NELFB: variants seen among roughly 807,000 people sequenced by gnomAD.
The protein encoded by NELFB is negative elongation factor B.
In NELFB, 34 loss-of-function variants were observed where a neutral mutation model predicts 60.2. The ratio of observed to expected loss-of-function variants is 0.56; its 90% confidence interval spans 0.43 to 0.75. The LOEUF is 0.75. Among genes scored for constraint, NELFB ranks in the 30% least tolerant of loss-of-function variants. The pLI, the probability that NELFB is intolerant of heterozygous loss-of-function variation, is 0.00. For synonymous variants in NELFB, 459 were observed against 382.1 expected (o/e 1.20, Z -2.35); for missense variants, 770 against 831.6 (o/e 0.93, Z 0.91).
chr9:137,272,911 G>A lies in NELFB; in HGVS notation c.1870G>A (p.Ala624Thr), dbSNP rs548870615. 1.6e-4 allele frequency: 252 copies of A among 1,537,046 alleles called. 1 individual carries two copies. In the South Asian group the frequency reaches 1.7e-3, roughly 11 times the overall value. ...GGAGCTGCCCCTCCCCAGCGTGCCC[G>A]CCCCTGCCCCGCTCTGAGGGCCCTC... Residue 624 changes from alanine (A) to threonine (T), a missense_variant, in exon 13 of 13, where the codon GCC becomes ACC. Ala to Thr is a moderately conservative substitution (Grantham distance 58, BLOSUM62 0). Transcript: ENST00000343053.
intron 10 of NELFB, 133 bp downstream of exon 10, chr9:137,267,479 T>A: frequency 1.5e-6 from 1 of 651,682 alleles, no homozygotes; most frequent in Non-Finnish European, 2.6e-6. Context: ...CTTTGCTAGC[T>A]TTGTTTTCAC....
intron 6 of NELFB, among the ~76,000 whole-genome samples, chr9:137,265,652 T>C (rs369194428): frequency 1.6e-5 from 2 of 124,010 alleles, no homozygotes; most frequent in East Asian, 8.1e-4. Flanking sequence ...CCTGCCAAAG[T>C]GCTGGGATGA....
At position 137,256,354 on chromosome 9, in the gene NELFB, G is replaced by A; in HGVS notation, c.436G>A (p.Glu146Lys). Residue 146 changes from glutamate (E) to lysine (K), a missense_variant, in exon 3 of 13, where the codon GAG (glutamate) becomes AAG (lysine). By Grantham distance (56) the Glu-to-Lys change is moderately conservative (BLOSUM62 1). Coordinates refer to ENST00000343053, the MANE Select transcript of NELFB (RefSeq NM_015456.5). ...GTACAAGAAGCTGGAAGACCTTCTG[G>A]AGAAGAGCTTTTCTCTGGTGAAGAT... 1 of 1,614,074 alleles carries A rather than the reference G, an allele frequency of 6.2e-7. No homozygotes were observed. The highest frequency in any genetic ancestry group is 8.5e-7 in the Non-Finnish European group (1 of 1,180,022).
At chr9:137,266,269 G>A in intron 7 of NELFB, 62 bp from the exon 8 acceptor site, 1 of 1,445,158 alleles carries the variant, frequency 6.9e-7, no homozygotes, top group Non-Finnish European at 9.6e-7. Context: ...AGTAGGGTCA[G>A]AGGAGCTCCA....
At position 137,265,933 on chromosome 9, in the gene NELFB, C is replaced by T; in HGVS notation, c.1097C>T (p.Thr366Ile). 1.2e-6 allele frequency: 2 copies of T among 1,613,212 alleles called. No homozygotes were observed. Among genetic ancestry groups the T allele is most frequent in the South Asian group, 1.1e-5 (1 of 91,090 alleles). Residue 366 changes from threonine (T) to isoleucine (I), a missense_variant, in exon 7 of 13, where the codon ACA becomes ATA. Physicochemically the swap from Thr to Ile is moderately conservative, Grantham distance 89. Coordinates refer to ENST00000343053, the MANE Select transcript of NELFB (RefSeq NM_015456.5). ...GCCATCAACACGCTGGCACTGAGCA[C>T]AGTCAGGCACCTGCAGGAGCTGGTC...
At chr9:137,256,518 C>T (rs1003998739) in intron 3 of NELFB, 90 bp downstream of exon 3, 7 of 1,173,284 alleles carry the variant, frequency 6.0e-6, no homozygotes, top group South Asian at 1.3e-5. Flanking sequence ...CGCCTAGCTC[C>T]GGGAGCTTCC....
At chr9:137,261,007 C>A (rs1221240666) in intron 4 of NELFB, among the ~76,000 whole-genome samples, 2 of 143,268 alleles carry the variant, frequency 1.4e-5, no homozygotes, top group African/African-American at 5.2e-5. Context: ...TGCAGTTAGC[C>A]AAGATTGCGC....
intron 10 of NELFB, 47 bp from the exon 11 acceptor site, chr9:137,272,034 G>C (rs1281576944): frequency 6.2e-7 from 1 of 1,610,726 alleles, no homozygotes; most frequent in East Asian, 2.2e-5. Flanking sequence ...TGCCCTCTGG[G>C]GTGGGCAGGG....
chr9:137,271,574 C>T (rs1416093489), intron 10 of NELFB, among the ~76,000 whole-genome samples: 2 of 152,262 alleles, frequency 1.3e-5, no homozygotes, highest in Non-Finnish European at 2.9e-5. Flanking sequence ...GTTTTGGTGT[C>T]TGGCTTCAGA....
rs1830608839 is a variant in NELFB, at chr9:137,273,347, G to C, written c.*419G>C. 1.8e-5 allele frequency: 3 copies of C among 166,690 alleles called. No homozygotes were observed. The allele number at this position is 166,690 out of a possible 1,614,324, so 10.3% of individuals were successfully genotyped here. On this transcript the variant is annotated 3_prime_UTR_variant, in exon 13 of 13. Transcript: ENST00000343053. Reference sequence around the variant, plus strand: ...ACCCGTGACCTCGTGGAGGCCGTGTGGGGGCAGCAGCCTGGCCTGTGCCAT... The same window carrying C: ...ACCCGTGACCTCGTGGAGGCCGTGTCGGGGCAGCAGCCTGGCCTGTGCCAT...
chr9:137,258,853 A>G (rs560349013), intron 4 of NELFB, among the ~76,000 whole-genome samples: 2 of 152,194 alleles, frequency 1.3e-5, no homozygotes, highest in Non-Finnish European at 2.9e-5. Flanking sequence ...GATCAACTTC[A>G]TTAATGTTTT....
At position 137,272,763 on chromosome 9, in the gene NELFB, A is replaced by AT. The variant is rs746819587; in HGVS notation, c.1741-18dup. The AT allele has an allele frequency of 2.6e-4, 401 of 1,534,704 alleles. No individual in the cohort carries two copies. The highest frequency in any genetic ancestry group is 3.3e-4 in the Non-Finnish European group (371 of 1,136,656). On this transcript the variant is annotated intron_variant, in intron 12 of 12. Coordinates refer to ENST00000343053, the MANE Select transcript of NELFB (RefSeq NM_015456.5). ...CCTGCCCATGCGCCTCGCCTGCCCC[A>AT]TGGTGTGGTTCCCCGCAGAGCGGAG...
chr9:137,259,218 A>AT (rs1830390449), intron 4 of NELFB, among the ~76,000 whole-genome samples: 1 of 152,180 alleles, frequency 6.6e-6, no homozygotes, highest in South Asian at 2.1e-4. Context: ...ATATTGAGCT[A>AT]TAATGCTTTT....
intron 10 of NELFB, among the ~76,000 whole-genome samples, chr9:137,268,360 C>T (rs562164759): frequency 1.3e-3 from 202 of 152,152 alleles, no homozygotes; most frequent in African/African-American, 4.5e-3. Context: ...CTGAGGCGGG[C>T]GGATCACGAG....
intron 10 of NELFB, among the ~76,000 whole-genome samples, chr9:137,267,547 C>T (rs1321810478): frequency 6.9e-6 from 1 of 145,634 alleles, no homozygotes; most frequent in Non-Finnish European, 1.5e-5. Context: ...GGCTGGAGTG[C>T]AGTGGTGCAA....
chr9:137,263,394 C>A (rs1197353932), intron 5 of NELFB, among the ~76,000 whole-genome samples, 172 bp downstream of exon 5: 1 of 108,738 alleles, frequency 9.2e-6, no homozygotes, highest in Non-Finnish European at 1.9e-5. Flanking sequence ...CCGGCCCTCC[C>A]TCCTCCCCCT....
intron 4 of NELFB, among the ~76,000 whole-genome samples, chr9:137,260,397 TTTTTTTTA>T (rs1564442568): frequency 4.3e-5 from 4 of 92,648 alleles, no homozygotes; most frequent in African/African-American, 9.8e-5. Flanking sequence ...TTTTTTAAAA[TTTTTTTTA>T]TTTATTTTAT....
chr9:137,265,719 C>T (rs936923128), intron 6 of NELFB, among the ~76,000 whole-genome samples, 158 bp from the exon 7 acceptor site: 12 of 147,878 alleles, frequency 8.1e-5, no homozygotes, highest in Non-Finnish European at 1.2e-4. Flanking sequence ...GCTGAGCCGC[C>T]GCGCTCGGCC....
At chr9:137,264,040 A>G (rs1169700851) in intron 5 of NELFB, among the ~76,000 whole-genome samples, 2 of 152,092 alleles carry the variant, frequency 1.3e-5, no homozygotes, top group African/African-American at 4.8e-5. Flanking sequence ...AAACATCATC[A>G]CTTTCTCCAC....
Sources: gnomAD v4.1 joint callset for allele counts (sites outside exome capture counted in the v4.1 genomes callset) on GRCh38, gnomAD v4.1.1 for gene constraint, MANE v1.5 for transcripts, NCBI Gene and HGNC (gene_info 2026-07-23, HGNC 2026-07-21) for gene names.